The following KCTD8 variants were observed in gnomAD, a reference collection of about 807,000 sequenced individuals.
KCTD8 encodes the protein BTB/POZ domain-containing protein KCTD8.
A neutral mutation model predicts 31.5 loss-of-function variants in KCTD8; 27 were observed. The ratio of observed to expected loss-of-function variants is 0.86; its 90% CI spans 0.63 to 1.18. KCTD8 has a LOEUF of 1.18. Among genes scored for constraint, KCTD8 ranks in the 50% most tolerant of loss-of-function variants. The probability of loss-of-function intolerance (pLI) is 0.00; values close to 1 mark genes in which losing one functional copy is unlikely to be tolerated. For synonymous variants in KCTD8, 290 were observed against 280.0 expected, an observed-to-expected ratio of 1.04 and a Z score of -0.36; for missense variants, 658 against 647.7, an observed-to-expected ratio of 1.02 and a Z score of -0.17.
chr4:44,264,755 G>T lies in KCTD8; in HGVS notation c.962-89505C>A, dbSNP rs1332790409. The stretch of plus-strand genomic sequence containing the variant: ...TTATATCCCGCACATGGCTCGGAGG[G>T]TCCTACACCCATGGAGTCTTGCTGA... On this transcript the variant is annotated intron_variant, in intron 1 of 1. Transcript: ENST00000360029. Among the ~76,000 whole-genome samples the T allele has an allele frequency of 2.0e-5, 3 of 152,186 alleles. No homozygotes were observed. In the East Asian group the frequency reaches 5.8e-4, roughly 29 times the overall value.
At chr4:44,179,502 A>G (rs1713314212) in intron 1 of KCTD8, among the ~76,000 whole-genome samples, 2 of 148,704 alleles carry the variant, frequency 1.3e-5, no homozygotes, top group Non-Finnish European at 3.0e-5. Flanking sequence ...CATGTTATAT[A>G]TATGTTTTAT....
chr4:44,333,061 A>C (rs952388243), intron 1 of KCTD8, among the ~76,000 whole-genome samples: 1 of 152,100 alleles, frequency 6.6e-6, no homozygotes, highest in Non-Finnish European at 1.5e-5. Flanking sequence ...TAATGATTGT[A>C]GAGTCTGTCA....
Position 44,447,851 on chromosome 4 carries a change from C to T in KCTD8, c.673G>A (p.Ala225Thr). Reference protein sequence around the residue: ...GSYTTVRDNQADAKFRRVARI... With the variant: ...GSYTTVRDNQTDAKFRRVARI... The stretch of plus-strand genomic sequence containing the variant: ...GCCACACGCCGGAATTTGGCGTCGG[C>T]CTGGTTGTCGCGCACGGTGGTGTAG... The change falls in exon 1 of 2, where the codon GCC (alanine) becomes ACC (threonine). Residue 225 changes from alanine (A) to threonine (T), a missense_variant. Coordinates refer to ENST00000360029, the MANE Select transcript of KCTD8 (RefSeq NM_198353.3). 6.3e-7 allele frequency: 1 copy of T among 1,582,978 alleles called. No homozygotes were observed. The highest frequency in any genetic ancestry group is 1.1e-5 in the South Asian group (1 of 87,866).
At chr4:44,329,162 CT>C (rs530685832) in intron 1 of KCTD8, among the ~76,000 whole-genome samples, 310 of 142,756 alleles carry the variant, frequency 2.2e-3, no homozygotes, top group Admixed American at 2.3e-3. Context: ...AAATCCTCCA[CT>C]TTTTTTTTTT....
rs979121822 is a variant in KCTD8 at position 44,447,786 on chromosome 4, C to T, written c.738G>A (p.Glu246=). 3.1e-6 allele frequency: 5 copies of T among 1,608,556 alleles called. No individual in the cohort carries two copies. The highest frequency in any genetic ancestry group is 4.2e-6 in the Non-Finnish European group (5 of 1,176,810). ...MVCGRIALAK[E]VFGDTLNESR... is the part of the protein sequence containing the mutation. ...TCTCGTTGAGCGTGTCCCCGAAGAC[C>T]TCCTTGGCCAGCGCGATGCGCCCGC... Residue 246 remains glutamate, a synonymous_variant, in exon 1 of 2, where the codon GAG becomes GAA. Transcript: ENST00000360029.
intron 1 of KCTD8, among the ~76,000 whole-genome samples, chr4:44,321,411 A>G (rs889612228): frequency 6.6e-6 from 1 of 152,168 alleles, no homozygotes; most frequent in Non-Finnish European, 1.5e-5. Flanking sequence ...TAGGTAACAG[A>G]TCTTACAGTG....
intron 1 of KCTD8, among the ~76,000 whole-genome samples, chr4:44,332,730 A>G (rs1718621420): frequency 6.6e-6 from 1 of 152,054 alleles, no homozygotes; most frequent in African/African-American, 2.4e-5. Flanking sequence ...CTCCATAGTT[A>G]GGAAAAGACA....
intron 1 of KCTD8, among the ~76,000 whole-genome samples, chr4:44,377,335 G>C (rs913667875): frequency 1.7e-4 from 26 of 152,140 alleles, no homozygotes; most frequent in Non-Finnish European, 3.2e-4. Flanking sequence ...CTCATTTCCT[G>C]AGAAGCGCCC....
intron 1 of KCTD8, among the ~76,000 whole-genome samples, chr4:44,335,583 G>A (rs1210053583): frequency 6.6e-6 from 1 of 152,038 alleles, no homozygotes; most frequent in Non-Finnish European, 1.5e-5. Context: ...AATAACTCAG[G>A]AGATATTTTA....
intron 1 of KCTD8, among the ~76,000 whole-genome samples, chr4:44,257,200 G>C (rs1306423621): frequency 1.3e-5 from 2 of 151,836 alleles, no homozygotes; most frequent in Non-Finnish European, 2.9e-5. Flanking sequence ...AAATCCATCA[G>C]TTTAATGTAT....
chr4:44,269,222 C>G (rs1411952743), intron 1 of KCTD8, among the ~76,000 whole-genome samples: 1 of 152,088 alleles, frequency 6.6e-6, no homozygotes, highest in Non-Finnish European at 1.5e-5. Flanking sequence ...ACAGAGCCCT[C>G]AGAAATAATG....
chr4:44,436,970 C>G (rs1721663548), intron 1 of KCTD8, among the ~76,000 whole-genome samples: 1 of 151,834 alleles, frequency 6.6e-6, no homozygotes, highest in African/African-American at 2.4e-5. Flanking sequence ...AATAAAGAGC[C>G]TTCAACCCTA....
intron 1 of KCTD8, among the ~76,000 whole-genome samples, chr4:44,363,276 A>G (rs1719547491): frequency 6.6e-6 from 1 of 152,130 alleles, no homozygotes; most frequent in African/African-American, 2.4e-5. Flanking sequence ...TTTTGGAACT[A>G]AGAGAAATAC....
chr4:44,235,552 T>TATATATATATATATATAC (rs1715256982), intron 1 of KCTD8, among the ~76,000 whole-genome samples: 1 of 89,096 alleles, frequency 1.1e-5, no homozygotes. Flanking sequence ...TATATATATA[T>TATATATATATATATATAC]ATATATATAT....
chr4:44,331,584 C>A (rs990074547), intron 1 of KCTD8, among the ~76,000 whole-genome samples: 2 of 151,250 alleles, frequency 1.3e-5, no homozygotes, highest in Non-Finnish European at 3.0e-5. Flanking sequence ...AAACTCGTTA[C>A]CATTTTTGAG....
chr4:44,402,351 ACTT>A (rs1309714179), intron 1 of KCTD8, among the ~76,000 whole-genome samples: 2 of 152,202 alleles, frequency 1.3e-5, no homozygotes, highest in South Asian at 2.1e-4. Flanking sequence ...CCAAGAAGCT[ACTT>A]CTTCTTAGCA....
chr4:44,197,976 T>C (rs1713995555), intron 1 of KCTD8, among the ~76,000 whole-genome samples: 2 of 152,160 alleles, frequency 1.3e-5, no homozygotes, highest in Admixed American at 6.5e-5. Flanking sequence ...ACTTCTGGAA[T>C]TGAAGAATTC....
At chr4:44,303,842 G>T (rs1052466119) in intron 1 of KCTD8, among the ~76,000 whole-genome samples, 1 of 151,776 alleles carries the variant, frequency 6.6e-6, no homozygotes, top group African/African-American at 2.4e-5. Context: ...ACTCCTAATC[G>T]TTTTTAACAT....
intron 1 of KCTD8, among the ~76,000 whole-genome samples, chr4:44,411,377 CAAAAAAAA>C (rs781705203): frequency 2.0e-5 from 1 of 50,726 alleles, no homozygotes; most frequent in African/African-American, 5.3e-5. Flanking sequence ...GAGCCTGTCT[CAAAAAAAA>C]AAAAAAAAAA....
Sources: gnomAD v4.1 joint callset for allele counts (sites outside exome capture counted in the v4.1 genomes callset) on GRCh38, gnomAD v4.1.1 for gene constraint, MANE v1.5 for transcripts, NCBI Gene and HGNC (gene_info 2026-07-23, HGNC 2026-07-21) for gene names.